PRMT8: variants seen among roughly 807,000 people sequenced by gnomAD.
PRMT8 encodes the protein protein arginine N-methyltransferase 8.
In PRMT8, 7 loss-of-function variants were observed where a neutral mutation model predicts 47.1. The observed-to-expected ratio is 0.15, with a 90% CI of 0.08 to 0.28. PRMT8 has a LOEUF of 0.28. Among genes scored for constraint, PRMT8 ranks in the 10% least tolerant of loss-of-function variants. The pLI is 1.00. For synonymous variants in PRMT8, 188 were observed against 186.5 expected (o/e 1.01, Z -0.07); for missense variants, 237 against 505.4 (o/e 0.47, Z 5.09).
At chr12:3,574,604 G>C (rs1407257407) in intron 6 of PRMT8, among the ~76,000 whole-genome samples, 3 of 152,264 alleles carry the variant, frequency 2.0e-5, no homozygotes, top group Non-Finnish European at 4.4e-5. Flanking sequence ...CTTTCTGTGT[G>C]CCAGGCAATG....
At chr12:3,498,990 T>G (rs2137119924) in intron 1 of PRMT8, among the ~76,000 whole-genome samples, 1 of 152,208 alleles carries the variant, frequency 6.6e-6, no homozygotes, top group South Asian at 2.1e-4. Flanking sequence ...TCAGCCTTCC[T>G]TGGCTATAGA....
rs1206876403 is a variant in PRMT8, at chr12:3,492,195, C to CTCCG, written c.75+499_75+502dup. Among the ~76,000 whole-genome samples, 1 of 152,054 alleles carries CTCCG rather than the reference C, an allele frequency of 6.6e-6. No homozygotes were observed. Among genetic ancestry groups the CTCCG allele is most frequent in the Non-Finnish European group, 1.5e-5 (1 of 67,982 alleles). On this transcript the variant is annotated intron_variant, in intron 1 of 9. Coordinates refer to ENST00000382622, the MANE Select transcript of PRMT8 (RefSeq NM_019854.5). The surrounding 1 kb of genome is among the most constrained non-coding windows in gnomAD (Gnocchi z 7.5). ...TCAAGCTCGAGTCGGTTCCCGAGCT[C>CTCCG]TCCGTCCCCGCAGCCGCGCGGAGAG...
intron 8 of PRMT8, among the ~76,000 whole-genome samples, chr12:3,584,199 G>C (rs1867124626): frequency 6.6e-6 from 1 of 152,236 alleles, no homozygotes; most frequent in Admixed American, 6.5e-5. Flanking sequence ...TTCTCACTGT[G>C]TCCTCACGTG....
In PRMT8 at chr12:3,580,910, G is replaced by A. The variant is rs1156925531; in HGVS notation, c.829-2148G>A. Among the ~76,000 whole-genome samples, 1 of 152,178 alleles carries A rather than the reference G, an allele frequency of 6.6e-6. No individual in the cohort carries two copies. Among genetic ancestry groups the A allele is most frequent in the Non-Finnish European group, 1.5e-5 (1 of 68,040 alleles). ...TGGAGGACACCTGTGGACAGCATGTGGCCATGTGGCTGGGAGGGATAATGA... is the reference window on the plus strand; with the variant it reads ...TGGAGGACACCTGTGGACAGCATGTAGCCATGTGGCTGGGAGGGATAATGA... On this transcript the variant is annotated intron_variant, in intron 7 of 9. Coordinates refer to ENST00000382622, the MANE Select transcript of PRMT8 (RefSeq NM_019854.5). The surrounding 1 kb of genome is among the most constrained non-coding windows in gnomAD (Gnocchi z 4.6).
rs1866555916 is a variant in PRMT8, at chr12:3,557,959, G to A, written c.481+4245G>A. ...AGGTTTCACCTGTGCCGTAATTCCT[G>A]ACCTCTGACCCAGCCCCTGACTCTT... is the stretch of plus-strand genomic sequence containing the variant. On this transcript the variant is annotated intron_variant, in intron 4 of 9. Coordinates refer to ENST00000382622, the MANE Select transcript of PRMT8 (RefSeq NM_019854.5). This position sits in a 1 kb window ranked among gnomAD's most constrained non-coding sequence, Gnocchi z 4.7. Among the ~76,000 whole-genome samples the A allele has an allele frequency of 6.6e-6, 1 of 151,984 alleles. No homozygotes were observed. Among genetic ancestry groups the A allele is most frequent in the Admixed American group, 6.5e-5 (1 of 15,272 alleles).
At chr12:3,465,195 T>TA (rs1591557897) in intron 1 of PRMT8, among the ~76,000 whole-genome samples, 2 of 143,224 alleles carry the variant, frequency 1.4e-5, no homozygotes, top group Non-Finnish European at 3.0e-5. Context: ...TTTATAAATA[T>TA]AAATATATTT....
chr12:3,564,478 A>G lies in PRMT8; in HGVS notation c.482-4228A>G, dbSNP rs1333959780. ...AAACCAAAAAGAAAAAATTCCACTC[A>G]AAACCATTTTTAAAAATCTGGATGT... On this transcript the variant is annotated intron_variant, in intron 4 of 9. Transcript: ENST00000382622. This position sits in a 1 kb window ranked among gnomAD's most constrained non-coding sequence, Gnocchi z 4.0. 3.9e-5 allele frequency among the ~76,000 whole-genome samples: 6 copies of G among 152,352 alleles called. No homozygotes were observed. Among genetic ancestry groups the G allele is most frequent in the East Asian group, 1.9e-4 (1 of 5,194 alleles).
chr12:3,571,820 A>T (rs1866852539), intron 6 of PRMT8, among the ~76,000 whole-genome samples: 1 of 152,212 alleles, frequency 6.6e-6, no homozygotes, highest in South Asian at 2.1e-4. Flanking sequence ...TTAGAAATTC[A>T]TTTCAAATAA....
chr12:3,593,430 C>T lies in PRMT8; in HGVS notation c.*248C>T, dbSNP rs957061917. ...GTGTTGCCAACAAAGAGCGACCTGGCGTGCTGTGGCTGGGCCCCGAGGGTG... is the reference window on the plus strand; with the variant it reads ...GTGTTGCCAACAAAGAGCGACCTGGTGTGCTGTGGCTGGGCCCCGAGGGTG... On this transcript the variant is annotated 3_prime_UTR_variant, in exon 10 of 10. Transcript: ENST00000382622. This position sits in a 1 kb window ranked among gnomAD's most constrained non-coding sequence, Gnocchi z 4.8. 1.0e-5 allele frequency: 5 copies of T among 491,738 alleles called. No individual in the cohort carries two copies. The highest frequency in any genetic ancestry group is 1.4e-5 in the Non-Finnish European group (4 of 278,432). 30.5% of individuals were successfully genotyped at this position (491,738 alleles called of 1,614,324 possible). A position where few individuals can be genotyped will look rare whatever the true frequency, so the allele number is the denominator to read the frequency against.
intron 1 of PRMT8, among the ~76,000 whole-genome samples, chr12:3,476,652 A>T (rs1865218313): frequency 6.6e-6 from 1 of 152,188 alleles, no homozygotes; most frequent in African/African-American, 2.4e-5. Flanking sequence ...GTCATTGCAA[A>T]AAAAGCTTTC....
Position 3,461,686 on chromosome 12 carries a change from G to C in PRMT8, c.49-78920G>C, listed in dbSNP as rs1865043364. ...GGAAGTCCTCTCAAGAGGAGTCCAA[G>C]CTTCAGACAGAGAAGCAGGGGCCAT... On this transcript the variant is annotated intron_variant, in intron 1 of 9. Coordinates refer to the PRMT8 transcript ENST00000452611. Among the ~76,000 whole-genome samples the C allele has an allele frequency of 3.8e-3, 581 of 152,008 alleles. 4 individuals carry two copies. Among genetic ancestry groups the C allele is most frequent in the African/African-American group, 0.013 (554 of 41,266 alleles).
intron 1 of PRMT8, among the ~76,000 whole-genome samples, chr12:3,534,316 C>T (rs1438754344): frequency 6.6e-6 from 1 of 152,224 alleles, no homozygotes; most frequent in Non-Finnish European, 1.5e-5. Context: ...CCAGCAGGAG[C>T]CATTTATAGC....
At chr12:3,479,212 C>T (rs1865248819) in intron 1 of PRMT8, among the ~76,000 whole-genome samples, 1 of 152,248 alleles carries the variant, frequency 6.6e-6, no homozygotes, top group African/African-American at 2.4e-5. Context: ...CCAAGTGGGA[C>T]TAATGTTCCC....
intron 1 of PRMT8, among the ~76,000 whole-genome samples, chr12:3,506,937 C>T (rs1865635846): frequency 6.6e-6 from 1 of 151,842 alleles, no homozygotes; most frequent in Non-Finnish European, 1.5e-5. Flanking sequence ...AGTTAAATTC[C>T]CCGTCTTCTT....
intron 1 of PRMT8, among the ~76,000 whole-genome samples, chr12:3,534,152 C>T (rs1040558886): frequency 7.2e-5 from 11 of 152,280 alleles, no homozygotes; most frequent in African/African-American, 2.4e-4. Context: ...TCTTTCTTCC[C>T]TCCGTGGGCC....
At chr12:3,397,599 C>A (rs1361944738) in intron 1 of PRMT8, among the ~76,000 whole-genome samples, 1 of 151,746 alleles carries the variant, frequency 6.6e-6, no homozygotes, top group Admixed American at 6.6e-5. Context: ...CTGGGAGAAC[C>A]ACTGCTCTCT....
At chr12:3,574,659 C>T (rs1042919564) in intron 6 of PRMT8, among the ~76,000 whole-genome samples, 11 of 152,218 alleles carry the variant, frequency 7.2e-5, no homozygotes, top group African/African-American at 2.4e-4. Flanking sequence ...TCATAGCAAT[C>T]GTATGGGATT....
intron 4 of PRMT8, among the ~76,000 whole-genome samples, chr12:3,559,249 C>T (rs909432443): frequency 6.6e-6 from 1 of 152,156 alleles, no homozygotes; most frequent in Non-Finnish European, 1.5e-5. Context: ...TCCCTTTTCC[C>T]GAGCCTTCTT....
Position 3,583,068 on chromosome 12 carries a change from T to C in PRMT8, c.839T>C (p.Ile280Thr). 9 of 1,613,756 alleles carry C rather than the reference T, an allele frequency of 5.6e-6. No homozygotes were observed. The highest frequency in any genetic ancestry group is 7.6e-6 in the Non-Finnish European group (9 of 1,179,926). The change falls in exon 8 of 10, where the codon ATT (isoleucine) becomes ACT (threonine). Residue 280 changes from isoleucine (I) to threonine (T), a missense_variant. Physicochemically the swap from Ile to Thr is moderately conservative, Grantham distance 89. Coordinates refer to ENST00000382622, the MANE Select transcript of PRMT8 (RefSeq NM_019854.5). The surrounding 1 kb of genome is among the most constrained non-coding windows in gnomAD (Gnocchi z 4.7). ...TNACLIKEVD[I>T]YTVKTEELSF... Reference sequence around the variant, plus strand: ...TTCTCTGGGCTGCAGGAGGTGGACATTTACACAGTGAAGACGGAAGAGCTA... The same window carrying C: ...TTCTCTGGGCTGCAGGAGGTGGACACTTACACAGTGAAGACGGAAGAGCTA...
Sources: gnomAD v4.1 joint callset for allele counts (sites outside exome capture counted in the v4.1 genomes callset) on GRCh38, gnomAD v4.1.1 for gene constraint, Gnocchi (gnomAD v3.1) non-coding constraint, MANE v1.5 for transcripts, NCBI Gene and HGNC (gene_info 2026-07-23, HGNC 2026-07-21) for gene names.